The following EFCAB6 variants were observed in gnomAD, a reference collection of about 807,000 sequenced individuals.
The protein encoded by EFCAB6 is EF-hand calcium-binding domain-containing protein 6.
Under a neutral mutation model 169.8 loss-of-function variants are expected in EFCAB6, and 156 were observed. That is an observed-to-expected ratio of 0.92 (90% CI 0.81 to 1.05). The LOEUF is 1.05. EFCAB6 is among the 50% of genes least tolerant of loss of function. EFCAB6 has a pLI of 0.00. For missense variants in EFCAB6, 1,800 were observed against 1,829.1 expected, an observed-to-expected ratio of 0.98 and a Z score of 0.29; for synonymous variants, 698 against 676.4, an observed-to-expected ratio of 1.03 and a Z score of -0.50.
chr22:43,772,641 CAA>C (rs11285899), intron 4 of EFCAB6, among the ~76,000 whole-genome samples: 301 of 120,144 alleles, frequency 2.5e-3, no homozygotes, highest in Middle Eastern at 8.3e-3. Context: ...AATTCTGTCT[CAA>C]AAAAAAAAAA....
intron 12 of EFCAB6, among the ~76,000 whole-genome samples, chr22:43,679,084 A>G (rs945763872): frequency 6.6e-6 from 1 of 152,236 alleles, no homozygotes; most frequent in Admixed American, 6.5e-5. Context: ...TTGTGTAACC[A>G]TCACAAGGAT....
At chr22:43,665,877 T>C (rs984179824) in intron 17 of EFCAB6, among the ~76,000 whole-genome samples, 1 of 152,224 alleles carries the variant, frequency 6.6e-6, no homozygotes, top group Non-Finnish European at 1.5e-5. Flanking sequence ...AAGTTCCACC[T>C]CCTGGGTTCC....
chr22:43,772,783 C>G (rs1036850738), intron 4 of EFCAB6, 109 bp downstream of exon 4: 1 of 1,189,064 alleles, frequency 8.4e-7, no homozygotes, highest in African/African-American at 1.5e-5. Flanking sequence ...AAAACTTCAA[C>G]TGCTCAGTGG....
Position 43,711,481 on chromosome 22 carries a change from A to C in EFCAB6, c.1025T>G (p.Met342Arg), listed in dbSNP as rs374149546. The change falls in exon 10 of 32, where the codon ATG becomes AGG. Residue 342 changes from methionine to arginine, a missense_variant. By Grantham distance (91) the Met-to-Arg change is moderately conservative (BLOSUM62 -1). Transcript: ENST00000262726. The part of the protein sequence containing the change: ...QIPRRIFIQL[M>R]KRFGLKATTK... ...GAAACAATGAGACTCTTACCTTTTC[A>C]TTAACTGGATAAAAATTCTTCTTGG... 12 of 1,580,010 alleles carry C rather than the reference A, an allele frequency of 7.6e-6. No homozygotes were observed. The East Asian group carries it at 1.1e-4, about 15-fold the overall frequency.
At chr22:43,788,017 T>C (rs533520799) in intron 2 of EFCAB6, among the ~76,000 whole-genome samples, 1 of 152,286 alleles carries the variant, frequency 6.6e-6, no homozygotes, top group East Asian at 1.9e-4. Context: ...AAGTAGTCTT[T>C]TCAACGAACA....
At chr22:43,638,708 G>T (rs1477798271) in intron 17 of EFCAB6, among the ~76,000 whole-genome samples, 5 of 152,024 alleles carry the variant, frequency 3.3e-5, no homozygotes, top group African/African-American at 1.2e-4. Flanking sequence ...ACTTTTCACA[G>T]TCTATTTAGA....
At chr22:43,792,131 G>A (rs566488054) in intron 2 of EFCAB6, among the ~76,000 whole-genome samples, 10 of 152,304 alleles carry the variant, frequency 6.6e-5, no homozygotes, top group South Asian at 2.1e-4. Context: ...CATCAGCAGC[G>A]AGTGAGGCTG....
At chr22:43,662,127 C>T (rs2057033347) in intron 17 of EFCAB6, among the ~76,000 whole-genome samples, 1 of 150,634 alleles carries the variant, frequency 6.6e-6, no homozygotes, top group African/African-American at 2.4e-5. Context: ...CACTGCACTC[C>T]AGCCTGGGTG....
At chr22:43,811,109 G>C (rs1387774187) in intron 1 of EFCAB6, among the ~76,000 whole-genome samples, 1 of 151,886 alleles carries the variant, frequency 6.6e-6, no homozygotes, top group Non-Finnish European at 1.5e-5. Flanking sequence ...GTGAAATCCC[G>C]TCTGTACTAA....
chr22:43,608,647 T>A, intron 21 of EFCAB6, 47 bp from the exon 22 acceptor site: 1 of 1,570,474 alleles, frequency 6.4e-7, no homozygotes, highest in Non-Finnish European at 8.8e-7. Context: ...AATGTGCGTA[T>A]GACAGCAGAA....
At chr22:43,784,502 A>T (rs60287586) in intron 2 of EFCAB6, among the ~76,000 whole-genome samples, 35,718 of 86,166 alleles carry the variant, frequency 0.41, 7,589 homozygotes, top group South Asian at 0.45. Flanking sequence ...AAAAAAAAAA[A>T]ATATATATAT....
chr22:43,562,904 C>A (rs2049159450), intron 26 of EFCAB6, among the ~76,000 whole-genome samples: 1 of 152,138 alleles, frequency 6.6e-6, no homozygotes, highest in South Asian at 2.1e-4. Context: ...CCCAGTGGGG[C>A]ATGGCCTGCT....
At chr22:43,653,399 T>C (rs1411412342) in intron 17 of EFCAB6, among the ~76,000 whole-genome samples, 2 of 152,194 alleles carry the variant, frequency 1.3e-5, no homozygotes, top group African/African-American at 2.4e-5. Flanking sequence ...ACATAGACCA[T>C]GGAACGGTAT....
intron 10 of EFCAB6, among the ~76,000 whole-genome samples, chr22:43,702,309 G>A (rs540532802): frequency 1.6e-4 from 24 of 152,238 alleles, no homozygotes; most frequent in Middle Eastern, 6.8e-3. Flanking sequence ...ATTGTCGGTC[G>A]CAGGCTCCAC....
chr22:43,797,030 A>G (rs2062535166), intron 2 of EFCAB6, among the ~76,000 whole-genome samples: 1 of 152,198 alleles, frequency 6.6e-6, no homozygotes, highest in South Asian at 2.1e-4. Flanking sequence ...GATATATATG[A>G]GAATGCCTAA....
intron 19 of EFCAB6, among the ~76,000 whole-genome samples, chr22:43,627,826 G>C (rs2054631951): frequency 6.6e-6 from 1 of 152,210 alleles, no homozygotes; most frequent in Admixed American, 6.5e-5. Flanking sequence ...CCTCATGCAA[G>C]TGTGTGGGGA....
chr22:43,764,365 G>A (rs1367262686), intron 5 of EFCAB6, among the ~76,000 whole-genome samples: 1 of 152,146 alleles, frequency 6.6e-6, no homozygotes, highest in Non-Finnish European at 1.5e-5. Flanking sequence ...CAAAAGACAT[G>A]ATTTCATTCT....
At chr22:43,557,440 C>G (rs1223307527) in intron 26 of EFCAB6, among the ~76,000 whole-genome samples, 2 of 151,998 alleles carry the variant, frequency 1.3e-5, no homozygotes, top group Admixed American at 1.3e-4. Flanking sequence ...AATAAAGATT[C>G]AATTTAAATT....
At chr22:43,719,190 C>A (rs1050416119) in intron 8 of EFCAB6, among the ~76,000 whole-genome samples, 1 of 152,184 alleles carries the variant, frequency 6.6e-6, no homozygotes, top group Non-Finnish European at 1.5e-5. Context: ...GCACTCGGTA[C>A]GGTGTATTCA....
Sources: gnomAD v4.1 joint callset for allele counts (sites outside exome capture counted in the v4.1 genomes callset) on GRCh38, gnomAD v4.1.1 for gene constraint, MANE v1.5 for transcripts, NCBI Gene and HGNC (gene_info 2026-07-23, HGNC 2026-07-21) for gene names.